The following LRP1B variants were observed in gnomAD, a reference collection of about 807,000 sequenced individuals.
LRP1B encodes the protein low-density lipoprotein receptor-related protein 1B.
In LRP1B, 217 loss-of-function variants were observed where a neutral mutation model predicts 556.6. That is an observed-to-expected ratio of 0.39 (90% CI 0.35 to 0.44). LRP1B has a LOEUF of 0.44. LRP1B is among the 20% of genes least tolerant of loss of function. The probability of loss-of-function intolerance (pLI) is 1.00; values close to 1 mark genes in which losing one functional copy is unlikely to be tolerated. For missense variants in LRP1B, 5,053 were observed against 5,620.8 expected (o/e 0.90, Z 3.23); for synonymous variants, 2,047 against 1,865.8 (o/e 1.10, Z -2.50).
At chr2:140,849,849 A>G (rs747946971) in intron 29 of LRP1B, among the ~76,000 whole-genome samples, 1 of 152,120 alleles carries the variant, frequency 6.6e-6, no homozygotes, top group Non-Finnish European at 1.5e-5. Flanking sequence ...CGAGAAATCT[A>G]AATTTTAAGG....
At chr2:141,999,427 C>T (rs1175625335) in intron 1 of LRP1B, among the ~76,000 whole-genome samples, 2 of 151,850 alleles carry the variant, frequency 1.3e-5, no homozygotes, top group Non-Finnish European at 2.9e-5. Flanking sequence ...TTATTTCTCC[C>T]ATATTAGGAG....
intron 79 of LRP1B, among the ~76,000 whole-genome samples, chr2:140,333,152 T>C (rs1680896909): frequency 6.6e-6 from 1 of 152,038 alleles, no homozygotes; most frequent in African/African-American, 2.4e-5. Flanking sequence ...CGTACTATTC[T>C]ATTTTCTTAA....
intron 3 of LRP1B, among the ~76,000 whole-genome samples, chr2:141,405,392 T>C (rs1354067707): frequency 2.0e-5 from 3 of 152,202 alleles, no homozygotes; most frequent in Non-Finnish European, 4.4e-5. Context: ...GAATGATTGG[T>C]ATTATTATAG....
intron 24 of LRP1B, 141 bp from the exon 25 acceptor site, chr2:140,884,162 A>G: frequency 1.4e-6 from 1 of 727,192 alleles, no homozygotes. Context: ...AGTGCTACCT[A>G]GCACAGGTAA....
intron 3 of LRP1B, among the ~76,000 whole-genome samples, chr2:141,272,684 A>G (rs909848890): frequency 6.6e-6 from 1 of 152,204 alleles, no homozygotes; most frequent in Non-Finnish European, 1.5e-5. Context: ...ATTATTTGAC[A>G]AAACAGACTT....
chr2:142,130,785 C>CCGGCGGCGGCGGCGG lies in LRP1B; in HGVS notation c.-71_-57dup. On this transcript the variant is annotated 5_prime_UTR_variant, in exon 1 of 91. Coordinates refer to ENST00000389484, the MANE Select transcript of LRP1B (RefSeq NM_018557.3). ...GAGACTGCTCGGCGGCACCTTCGGC[C>CCGGCGGCGGCGGCGG]CGGCGGCGGCGGCGGCGGCAGGGGC... 1 of 1,424,158 alleles carries CCGGCGGCGGCGGCGG rather than the reference C, an allele frequency of 7.0e-7. No individual in the cohort carries two copies. The highest frequency in any genetic ancestry group is 1.4e-5 in the African/African-American group (1 of 69,278). The allele number at this position is 1,424,158 out of a possible 1,614,324, so 88.2% of individuals were successfully genotyped here.
chr2:140,330,730 G>A (rs1680764601), intron 79 of LRP1B, among the ~76,000 whole-genome samples: 1 of 152,018 alleles, frequency 6.6e-6, no homozygotes, highest in Non-Finnish European at 1.5e-5. Flanking sequence ...ATAGGATCTA[G>A]TTTAACTAAA....
intron 37 of LRP1B, among the ~76,000 whole-genome samples, chr2:140,710,771 C>T (rs1687003131): frequency 1.3e-5 from 2 of 151,878 alleles, no homozygotes; most frequent in Admixed American, 6.6e-5. Flanking sequence ...GGTATAAAAC[C>T]TGCAAAAATA....
chr2:141,627,268 A>G, intron 2 of LRP1B, among the ~76,000 whole-genome samples: 1 of 152,244 alleles, frequency 6.6e-6, no homozygotes. Flanking sequence ...TAAAAAGATC[A>G]TTGGTTTCCA....
intron 2 of LRP1B, among the ~76,000 whole-genome samples, chr2:141,585,575 C>A (rs952775334): frequency 6.6e-6 from 1 of 151,858 alleles, no homozygotes; most frequent in African/African-American, 2.4e-5. Flanking sequence ...TTGCCATATA[C>A]GAGTTTACCT....
chr2:140,855,892 C>G (rs1465243381), intron 27 of LRP1B, among the ~76,000 whole-genome samples: 1 of 152,072 alleles, frequency 6.6e-6, no homozygotes, highest in African/African-American at 2.4e-5. Flanking sequence ...ATTTTTACTC[C>G]AAAGCATTTT....
intron 7 of LRP1B, among the ~76,000 whole-genome samples, chr2:141,150,814 A>G (rs1456238627): frequency 6.7e-6 from 1 of 150,080 alleles, no homozygotes; most frequent in Non-Finnish European, 1.5e-5. Flanking sequence ...TGGTCCACAC[A>G]TTATGTAAAT....
chr2:140,799,932 C>T (rs758308808), intron 32 of LRP1B, among the ~76,000 whole-genome samples: 12 of 152,062 alleles, frequency 7.9e-5, no homozygotes, highest in South Asian at 2.1e-4. Context: ...TGCAGCCCAC[C>T]GAGCATGAGC....
At chr2:140,751,282 C>T (rs773030625) in intron 35 of LRP1B, among the ~76,000 whole-genome samples, 5 of 152,118 alleles carry the variant, frequency 3.3e-5, no homozygotes, top group African/African-American at 1.2e-4. Flanking sequence ...CATGAGCCAC[C>T]ACGCATGGCC....
chr2:140,830,013 AC>A (rs1356909178), intron 31 of LRP1B, among the ~76,000 whole-genome samples: 1 of 152,056 alleles, frequency 6.6e-6, no homozygotes, highest in African/African-American at 2.4e-5. Context: ...CCTACAATAA[AC>A]GGATAAATTT....
intron 18 of LRP1B, among the ~76,000 whole-genome samples, chr2:140,956,347 T>C (rs1695872541): frequency 6.6e-6 from 1 of 151,774 alleles, no homozygotes; most frequent in Non-Finnish European, 1.5e-5. Flanking sequence ...CCATGCTGAT[T>C]ATACTAATAC....
At chr2:141,025,647 T>A (rs1002173408) in intron 11 of LRP1B, among the ~76,000 whole-genome samples, 2 of 152,050 alleles carry the variant, frequency 1.3e-5, no homozygotes, top group African/African-American at 4.8e-5. Context: ...TCTTTTTGGG[T>A]CTCCAGCCTG....
intron 1 of LRP1B, among the ~76,000 whole-genome samples, chr2:141,964,914 C>G (rs1196438492): frequency 0.036 from 5,364 of 149,922 alleles, 229 homozygotes; most frequent in African/African-American, 0.12. Flanking sequence ...AAACAAACAA[C>G]CCCATCAAAA....
At chr2:141,989,164 G>C (rs565878342) in intron 1 of LRP1B, among the ~76,000 whole-genome samples, 141 of 151,984 alleles carry the variant, frequency 9.3e-4, no homozygotes, top group African/African-American at 3.3e-3. Flanking sequence ...CAGAAAACTT[G>C]GCTTTTTAAT....
Sources: allele counts gnomAD v4.1 joint callset (sites outside exome capture counted in the v4.1 genomes callset), GRCh38; gene constraint gnomAD v4.1.1; transcripts MANE v1.5; gene names NCBI Gene and HGNC (gene_info 2026-07-23, HGNC 2026-07-21).